Variants in ZC3H12B observed in about 807,000 individuals in gnomAD.
ZC3H12B encodes probable ribonuclease ZC3H12B.
In ZC3H12B, 7 loss-of-function variants were observed where a neutral mutation model predicts 43.9. The ratio of observed to expected loss-of-function variants is 0.16; its 90% CI spans 0.09 to 0.30. ZC3H12B has a LOEUF of 0.30. ZC3H12B is among the 10% of genes least tolerant of loss of function. The pLI is 1.00. For synonymous variants in ZC3H12B, 222 were observed against 241.7 expected (o/e 0.92, Z 0.76); for missense variants, 475 against 670.2 (o/e 0.71, Z 3.22).
chrX:65,076,564 G>A, the ZC3H12B span, among the ~76,000 whole-genome samples: 1 of 110,882 alleles, frequency 9.0e-6, no homozygotes, highest in Non-Finnish European at 1.9e-5. Flanking sequence ...AGATCCCTGA[G>A]GCTTTCTTCT....
At chrX:65,169,543 A>G in the ZC3H12B span, among the ~76,000 whole-genome samples, 1 of 112,027 alleles carries the variant, frequency 8.9e-6, no homozygotes, top group Non-Finnish European at 1.9e-5. Flanking sequence ...GTAGATGTCT[A>G]TTAGATCTGC....
chrX:65,119,901 G>C, the ZC3H12B span, among the ~76,000 whole-genome samples: 2 of 111,751 alleles, frequency 1.8e-5, no homozygotes, highest in Non-Finnish European at 3.8e-5. Context: ...TATTAAATAG[G>C]GAACCCTTTC....
chrX:65,311,698 T>C, the ZC3H12B span, among the ~76,000 whole-genome samples: 11 of 111,807 alleles, frequency 9.8e-5, no homozygotes, highest in African/African-American at 3.6e-4. Flanking sequence ...TGCACACGTA[T>C]GTTTTTTGTG....
chrX:65,163,321 G>T, the ZC3H12B span, among the ~76,000 whole-genome samples: 1 of 111,463 alleles, frequency 9.0e-6, no homozygotes, highest in African/African-American at 3.3e-5. Context: ...GGACATTTAA[G>T]TCTGCAGAGG....
chrX:65,373,564 A>G, intron 2 of ZC3H12B, among the ~76,000 whole-genome samples: 1 of 109,335 alleles, frequency 9.1e-6, no homozygotes, highest in Non-Finnish European at 1.9e-5. Flanking sequence ...TGCAGCCATA[A>G]AAAAGGATGA....
rs1397441077 is a variant in ZC3H12B at position 65,373,654 on chromosome X, C to T, written n.295+4656C>T. ...ACTATCGCAAGGACAGAAAACCAAA[C>T]ACTGAATGTTCTCACTCATAGGTGA... On this transcript the variant is annotated intron_variant and non_coding_transcript_variant, in intron 2 of 5. Transcript: ENST00000617377. Among the ~76,000 whole-genome samples, 12 of 99,995 alleles carry T rather than the reference C, an allele frequency of 1.2e-4. No individual in the cohort carries two copies. In the East Asian group the frequency reaches 3.9e-3, roughly 32 times the overall value. The allele number at this position is 99,995 out of a possible 115,157, so 86.8% of individuals were successfully genotyped here.
rs1290056881 is a variant in ZC3H12B at position 65,466,932 on chromosome X, ATATATAT to A, written n.408-21713_408-21707del. On this transcript the variant is annotated intron_variant and non_coding_transcript_variant, in intron 3 of 5. Coordinates refer to the ZC3H12B transcript ENST00000617377. ...TAAAACCAAATATATATATATATAT[ATATATAT>A]ATATATATATATATATATATATATA... is the stretch of plus-strand genomic sequence containing the variant. 1.4e-3 allele frequency among the ~76,000 whole-genome samples: 56 copies of A among 41,253 alleles called. 2 individuals carry two copies. The highest frequency in any genetic ancestry group is 6.8e-3 in the African/African-American group (53 of 7,815). The allele number at this position is 41,253 out of a possible 115,157, so 35.8% of individuals were successfully genotyped here. A position where few individuals can be genotyped will look rare whatever the true frequency, so the allele number is the denominator to read the frequency against.
chrX:65,319,737 G>T, the ZC3H12B span, among the ~76,000 whole-genome samples: 1 of 111,442 alleles, frequency 9.0e-6, no homozygotes, highest in Non-Finnish European at 1.9e-5. Flanking sequence ...GACCAAGTGT[G>T]CCTTATCCCT....
At chrX:65,374,108 G>GTTATATATA (rs1402334408) in intron 2 of ZC3H12B, among the ~76,000 whole-genome samples, 1 of 62,922 alleles carries the variant, frequency 1.6e-5, no homozygotes, top group African/African-American at 7.6e-5. Flanking sequence ...ACTATATATA[G>GTTATATATA]GTTATATATA....
At chrX:65,164,927 A>T in the ZC3H12B span, among the ~76,000 whole-genome samples, 4 of 112,197 alleles carry the variant, frequency 3.6e-5, no homozygotes, top group African/African-American at 1.3e-4. Context: ...TCTCACATAA[A>T]TCAGAAAATA....
chrX:65,054,113 T>G, the ZC3H12B span, among the ~76,000 whole-genome samples: 1 of 112,155 alleles, frequency 8.9e-6, no homozygotes, highest in African/African-American at 3.2e-5. Context: ...TTTAGTTTAA[T>G]TAGATCCCAT....
chrX:65,332,875 C>A, the ZC3H12B span, among the ~76,000 whole-genome samples: 1 of 112,051 alleles, frequency 8.9e-6, no homozygotes, highest in Non-Finnish European at 1.9e-5. Context: ...AAAGATAAAT[C>A]ATGGTAAGAC....
intron 2 of ZC3H12B, among the ~76,000 whole-genome samples, chrX:65,396,090 A>T (rs2066693222): frequency 9.0e-6 from 1 of 110,848 alleles, no homozygotes; most frequent in Non-Finnish European, 1.9e-5. Flanking sequence ...CTTCTTTATT[A>T]ATCTGGCTAC....
intron 2 of ZC3H12B, among the ~76,000 whole-genome samples, chrX:65,381,631 CA>C (rs1306153351): frequency 9.0e-6 from 1 of 111,363 alleles, no homozygotes; most frequent in African/African-American, 3.3e-5. Context: ...AATAGAGACA[CA>C]AAAAAACCTT....
the ZC3H12B span, among the ~76,000 whole-genome samples, chrX:65,216,644 G>A: frequency 9.3e-6 from 1 of 107,011 alleles, no homozygotes; most frequent in Non-Finnish European, 1.9e-5. Flanking sequence ...AATCACAGGA[G>A]TGTTCACTTC....
intron 2 of ZC3H12B, among the ~76,000 whole-genome samples, chrX:65,377,935 A>T (rs1171311669): frequency 9.1e-6 from 1 of 110,301 alleles, no homozygotes; most frequent in East Asian, 2.8e-4. Flanking sequence ...CATCTCTACT[A>T]AAAATTCAAA....
At chrX:65,192,876 C>T in the ZC3H12B span, among the ~76,000 whole-genome samples, 30 of 111,109 alleles carry the variant, frequency 2.7e-4, no homozygotes, top group African/African-American at 3.9e-4. Flanking sequence ...TAGTTTCAAG[C>T]GATTTTCCTG....
At chrX:65,087,179 G>T in the ZC3H12B span, among the ~76,000 whole-genome samples, 1 of 110,557 alleles carries the variant, frequency 9.0e-6, no homozygotes, top group Non-Finnish European at 1.9e-5. Flanking sequence ...CCTCCCTTGG[G>T]CTCTGGCATA....
chrX:65,502,176 C>T, exon 5 of ZC3H12B: 1 of 1,211,389 alleles, frequency 8.3e-7, no homozygotes, highest in African/African-American at 1.7e-5. Flanking sequence ...GCCAGCAGCC[C>T]AGTGCCAGGA....
Sources: gnomAD v4.1 joint callset for allele counts (sites outside exome capture counted in the v4.1 genomes callset) on GRCh38, gnomAD v4.1.1 for gene constraint, MANE v1.5 for transcripts, NCBI Gene and HGNC (gene_info 2026-07-23, HGNC 2026-07-21) for gene names.